Variants in PBDC1 observed in about 807,000 individuals in gnomAD.
PBDC1 encodes polysaccharide biosynthesis domain containing 1, also known as protein PBDC1.
In PBDC1, 3 loss-of-function variants were observed where a neutral mutation model predicts 12.0. The ratio of observed to expected loss-of-function variants is 0.25; its 90% CI spans 0.11 to 0.64. The LOEUF (loss-of-function observed/expected upper bound fraction) is 0.64, where lower values mean the gene tolerates loss of function less well. Among genes scored for constraint, PBDC1 ranks in the 30% least tolerant of loss-of-function variants. The pLI, the probability that PBDC1 is intolerant of heterozygous loss-of-function variation, is 0.84. For missense variants in PBDC1, 162 were observed against 168.1 expected (o/e 0.96, Z 0.20); for synonymous variants, 64 against 56.4 (o/e 1.13, Z -0.60).
chrX:76,175,695 T>C (rs1924772739), intron 4 of PBDC1, 82 bp downstream of exon 4: 12 of 792,586 alleles, frequency 1.5e-5, no homozygotes, highest in Non-Finnish European at 1.9e-5. Flanking sequence ...TTTAAGCTCT[T>C]TTTTTGTTTG....
Position 76,178,025 on chromosome X carries a change from G to A in PBDC1, c.*117G>A, listed in dbSNP as rs138763959. On this transcript the variant is annotated 3_prime_UTR_variant, in exon 6 of 6. Transcript: ENST00000373358. ...AAATTCTTGTACAATTGAAGGATAC[G>A]CAGAAGGACATCTTTCTAGTCTAAC... 1,352 of 1,140,776 alleles carry A rather than the reference G, an allele frequency of 1.2e-3. 16 individuals carry two copies. The East Asian group carries it at 0.032, about 27-fold the overall frequency. The allele number at this position is 1,140,776 out of a possible 1,213,427, so 94.0% of individuals were successfully genotyped here. A position where few individuals can be genotyped will look rare whatever the true frequency, so the allele number is the denominator to read the frequency against.
chrX:76,174,304 G>A (rs1924733943), intron 2 of PBDC1, among the ~76,000 whole-genome samples: 1 of 111,284 alleles, frequency 9.0e-6, no homozygotes, highest in Non-Finnish European at 1.9e-5. Flanking sequence ...AAATGCAAAT[G>A]GCTTTTTCTG....
chrX:76,176,025 A>T (rs1292943632), intron 4 of PBDC1, among the ~76,000 whole-genome samples: 3 of 112,349 alleles, frequency 2.7e-5, no homozygotes. Context: ...TTATGTGATT[A>T]TCCTATACTT....
At chrX:76,174,065 G>C (rs1924728652) in intron 2 of PBDC1, among the ~76,000 whole-genome samples, 1 of 112,259 alleles carries the variant, frequency 8.9e-6, no homozygotes, top group Admixed American at 9.4e-5. Flanking sequence ...AACAAGACAA[G>C]AGGATGTGAG....
Position 76,178,227 on chromosome X carries a change from G to A in PBDC1, c.*319G>A, listed in dbSNP as rs782331550. On this transcript the variant is annotated 3_prime_UTR_variant, in exon 6 of 6. Coordinates refer to ENST00000373358, the MANE Select transcript of PBDC1 (RefSeq NM_016500.5). The stretch of plus-strand genomic sequence containing the variant: ...CTATATCTGTGACTGACTTTAAAAA[G>A]GTATTTGACACTTGAAATTTTTTTC... 87 of 302,676 alleles carry A rather than the reference G, an allele frequency of 2.9e-4. No homozygotes were observed. Among genetic ancestry groups the A allele is most frequent in the African/African-American group, 2.2e-3 (79 of 36,284 alleles). 24.9% of individuals were successfully genotyped at this position (302,676 alleles called of 1,213,427 possible). A position where few individuals can be genotyped will look rare whatever the true frequency, so the allele number is the denominator to read the frequency against.
At chrX:76,175,348 C>T in intron 3 of PBDC1, 125 bp from the exon 4 acceptor site, 1 of 593,647 alleles carries the variant, frequency 1.7e-6, no homozygotes, top group South Asian at 2.7e-5. Flanking sequence ...AGGATGTAGA[C>T]TGTCGACACT....
At chrX:76,174,466 C>T (rs1401227941) in intron 2 of PBDC1, among the ~76,000 whole-genome samples, 1 of 111,765 alleles carries the variant, frequency 8.9e-6, no homozygotes, top group African/African-American at 3.3e-5. Flanking sequence ...GTTTGGTAAA[C>T]AAAAATGATT....
At position 76,177,493 on chromosome X, in the gene PBDC1, G is replaced by A. The variant is rs144846975; in HGVS notation, c.410-123G>A. 209 of 597,223 alleles carry A rather than the reference G, an allele frequency of 3.5e-4. 3 individuals are homozygous for A. The East Asian group carries it at 6.0e-3, about 17-fold the overall frequency. 49.2% of individuals were successfully genotyped at this position (597,223 alleles called of 1,213,427 possible). ...TTGAACCAGGGAAATTGAGGCTGCA[G>A]TAAGCTGTGATTGTGCCACTGCAGT... is the stretch of plus-strand genomic sequence containing the variant. On this transcript the variant is annotated intron_variant, in intron 5 of 5. Transcript: ENST00000373358.
chrX:76,176,956 T>C lies in PBDC1; in HGVS notation c.373T>C (p.Cys125Arg). The change falls in exon 5 of 6, where the codon TGT (cysteine) becomes CGT (arginine). Residue 125 changes from cysteine (C) to arginine (R), a missense_variant. By Grantham distance (180) the Cys-to-Arg change is radical. Around this residue, in one of 3 missense-constraint regions of PBDC1, gnomAD observed 100 missense variants for 96.2 expected, o/e 1.04. Coordinates refer to ENST00000373358, the MANE Select transcript of PBDC1 (RefSeq NM_016500.5). The stretch of plus-strand genomic sequence containing the variant: ...CTATGGTACTTTGCTGCGACTAGAT[T>C]GTTCTCAGGGCTACACTGAGGAAAA... ...FNYGTLLRLD[C>R]SQGYTEENTI... The C allele has an allele frequency of 1.7e-6, 2 of 1,203,504 alleles. No individual in the cohort carries two copies. The highest frequency in any genetic ancestry group is 2.3e-6 in the Non-Finnish European group (2 of 888,521).
intron 2 of PBDC1, 33 bp downstream of exon 2, chrX:76,173,683 T>G (rs1258441855): frequency 4.8e-6 from 5 of 1,046,827 alleles, no homozygotes; most frequent in Non-Finnish European, 5.1e-6. Flanking sequence ...TCCCACCCAC[T>G]CAGCTAGCCT....
rs184886471 is a variant in PBDC1 at position 76,178,234 on chromosome X, G to C, written c.*326G>C. 23 of 299,932 alleles carry C rather than the reference G, an allele frequency of 7.7e-5. No individual in the cohort carries two copies. Among genetic ancestry groups the C allele is most frequent in the African/African-American group, 5.5e-4 (20 of 36,330 alleles). The allele number at this position is 299,932 out of a possible 1,213,427, so 24.7% of individuals were successfully genotyped here. A position where few individuals can be genotyped will look rare whatever the true frequency, so the allele number is the denominator to read the frequency against. On this transcript the variant is annotated 3_prime_UTR_variant, in exon 6 of 6. Coordinates refer to ENST00000373358, the MANE Select transcript of PBDC1 (RefSeq NM_016500.5). ...TGTGACTGACTTTAAAAAGGTATTTGACACTTGAAATTTTTTTCAAATATG... is the reference window on the plus strand; with the variant it reads ...TGTGACTGACTTTAAAAAGGTATTTCACACTTGAAATTTTTTTCAAATATG...
In PBDC1 at chrX:76,177,779, A is replaced by G; in HGVS notation, c.573A>G (p.Gly191=). 1.7e-6 allele frequency: 2 copies of G among 1,204,843 alleles called. No homozygotes were observed. Among genetic ancestry groups the G allele is most frequent in the Non-Finnish European group, 2.2e-6 (2 of 892,336 alleles). ...SGEEENTKNG[G]EKGADSGEEK... is the part of the protein sequence containing the mutation. ...AAGAAGAGAACACCAAGAATGGAGG[A>G]GAGAAAGGAGCTGATAGTGGAGAAG... The change falls in exon 6 of 6, where the codon GGA becomes GGG. Residue 191 remains glycine, a synonymous_variant. Coordinates refer to ENST00000373358, the MANE Select transcript of PBDC1 (RefSeq NM_016500.5).
In PBDC1 at chrX:76,173,626, C is replaced by G; in HGVS notation, c.72C>G (p.Leu24=). ...TGTCTGTGGCACATGCGCTTTCTCT[C>G]CCAGCAGAGTCGTATGGCAACGATG... ...ELVSVAHALS[L]PAESYGNDPD... Residue 24 remains leucine (L), a synonymous_variant, in exon 2 of 6, where the codon CTC becomes CTG. Coordinates refer to ENST00000373358, the MANE Select transcript of PBDC1 (RefSeq NM_016500.5). 8.4e-7 allele frequency: 1 copy of G among 1,195,294 alleles called. No individual in the cohort carries two copies.
chrX:76,173,535 A>C, intron 1 of PBDC1, 50 bp from the exon 2 acceptor site: 1 of 1,036,328 alleles, frequency 9.6e-7, no homozygotes, highest in Non-Finnish European at 1.3e-6. Flanking sequence ...GGGGGGAGCC[A>C]CCGCGCCCGG....
At chrX:76,174,672 C>G (rs1924744602) in intron 2 of PBDC1, among the ~76,000 whole-genome samples, 2 of 112,078 alleles carry the variant, frequency 1.8e-5, no homozygotes, top group Non-Finnish European at 3.8e-5. Context: ...GCCGGTGGCT[C>G]ATTGTGTTCA....
At position 76,178,185 on chromosome X, in the gene PBDC1, C is replaced by A. The variant is rs1436124962; in HGVS notation, c.*277C>A. The A allele has an allele frequency of 2.5e-5, 9 of 361,559 alleles. No individual in the cohort carries two copies. Among genetic ancestry groups the A allele is most frequent in the South Asian group, 1.0e-4 (1 of 9,816 alleles). 29.8% of individuals were successfully genotyped at this position (361,559 alleles called of 1,213,427 possible). A position where few individuals can be genotyped will look rare whatever the true frequency, so the allele number is the denominator to read the frequency against. ...AAGTAAGAAATTTGTAAATAAATTT[C>A]TTTTGGTTCTTATTATCTATATCTG... On this transcript the variant is annotated 3_prime_UTR_variant, in exon 6 of 6. Transcript: ENST00000373358.
chrX:76,177,639 A>C lies in PBDC1; in HGVS notation c.433A>C (p.Ile145Leu), dbSNP rs1556797079. 8.4e-7 allele frequency: 1 copy of C among 1,183,551 alleles called. No individual in the cohort carries two copies. Among genetic ancestry groups the C allele is most frequent in the East Asian group, 3.0e-5 (1 of 33,754 alleles). ...AGCCCCCAGGATACAATTCTTTGCC[A>C]TTGAAATTGCTCGGAACCGGGAAGG... is the stretch of plus-strand genomic sequence containing the variant. ...IFAPRIQFFAIEIARNREGYN... is the reference protein window; with the variant it reads ...IFAPRIQFFALEIARNREGYN... Residue 145 changes from isoleucine to leucine, a missense_variant, in exon 6 of 6, where the codon ATT becomes CTT. Transcript: ENST00000373358.
Position 76,178,149 on chromosome X carries a change from C to G in PBDC1, c.*241C>G, listed in dbSNP as rs182603081. 31 of 398,318 alleles carry G rather than the reference C, an allele frequency of 7.8e-5. No individual in the cohort carries two copies. The Admixed American group carries it at 1.5e-3, about 19-fold the overall frequency. The allele number at this position is 398,318 out of a possible 1,213,427, so 32.8% of individuals were successfully genotyped here. Reference sequence around the variant, plus strand: ...TCCTGGTATACTGTTTCTTGGCTGACACTACTGGTCAAGTAAGAAATTTGT... The same window carrying G: ...TCCTGGTATACTGTTTCTTGGCTGAGACTACTGGTCAAGTAAGAAATTTGT... On this transcript the variant is annotated 3_prime_UTR_variant, in exon 6 of 6. Coordinates refer to ENST00000373358, the MANE Select transcript of PBDC1 (RefSeq NM_016500.5).
rs376646468 is a variant in PBDC1 at position 76,174,887 on chromosome X, C to T, written c.97-3C>T. 10 of 1,204,019 alleles carry T rather than the reference C, an allele frequency of 8.3e-6. No individual in the cohort carries two copies. The highest frequency in any genetic ancestry group is 1.1e-5 in the Non-Finnish European group (10 of 889,174). On this transcript the variant is annotated splice_region_variant and splice_polypyrimidine_tract_variant and intron_variant, in intron 2 of 5. Transcript: ENST00000373358. ...TGACCTGGCATTCTTCACTCCTTTGCAGCCTGACATTGAGATGGCTTGGGC... is the reference window on the plus strand; with the variant it reads ...TGACCTGGCATTCTTCACTCCTTTGTAGCCTGACATTGAGATGGCTTGGGC...
Sources: allele counts gnomAD v4.1 joint callset (sites outside exome capture counted in the v4.1 genomes callset), GRCh38; gene constraint gnomAD v4.1.1; regional missense constraint gnomAD v4.1.1; transcripts MANE v1.5; gene names NCBI Gene and HGNC (gene_info 2026-07-23, HGNC 2026-07-21).